DDX20: variants seen among roughly 807,000 people sequenced by gnomAD.
DDX20 encodes DEAD-box helicase 20.
DDX20 carries 61 observed loss-of-function variants against 76.4 expected under a neutral mutation model. The observed-to-expected ratio is 0.80, with a 90% CI of 0.65 to 0.99. The LOEUF (loss-of-function observed/expected upper bound fraction) is 0.99, where lower values mean the gene tolerates loss of function less well. DDX20 is among the 50% of genes least tolerant of loss of function. DDX20 has a pLI of 0.00. For missense variants in DDX20, 976 were observed against 996.8 expected, an observed-to-expected ratio of 0.98 and a Z score of 0.28; for synonymous variants, 357 against 357.4, an observed-to-expected ratio of 1.00 and a Z score of 0.01.
chr1:111,761,359 C>A, intron 7 of DDX20, 75 bp downstream of exon 7: 1 of 1,222,858 alleles, frequency 8.2e-7, no homozygotes, highest in Non-Finnish European at 1.2e-6. Flanking sequence ...GAAAAAATAC[C>A]ACTTTATGAG....
chr1:111,756,076 C>A lies in DDX20; in HGVS notation c.152C>A (p.Thr51Asn). The A allele has an allele frequency of 6.2e-7, 1 of 1,606,532 alleles. No homozygotes were observed. Among genetic ancestry groups the A allele is most frequent in the Non-Finnish European group, 8.5e-7 (1 of 1,179,332 alleles). Reference protein sequence around the residue: ...RTAQDLSSPRTRTGDVLLAEP... With the variant: ...RTAQDLSSPRNRTGDVLLAEP... ...GCTCAGGATCTCAGCAGCCCGCGGA[C>A]CCGCACGGGGGATGTGCTGTTGGCG... Residue 51 changes from threonine (T) to asparagine (N), a missense_variant, in exon 1 of 11, where the codon ACC becomes AAC. Physicochemically the swap from Thr to Asn is moderately conservative, Grantham distance 65 (BLOSUM62 0). This residue lies in a region of DDX20 where 343 missense variants were observed against 286.4 expected (regional missense o/e 1.20). Transcript: ENST00000369702.
chr1:111,767,588 TAC>T lies in DDX20; in HGVS notation c.*690_*691del, dbSNP rs1663809781. ...AGCTGTGGGTCATCAGTTGCTGTCTTACTTGTGTTGCTCAGATAGAGGAGCAG... is the reference window on the plus strand; with the variant it reads ...AGCTGTGGGTCATCAGTTGCTGTCTTTTGTGTTGCTCAGATAGAGGAGCAG... On this transcript the variant is annotated 3_prime_UTR_variant, in exon 11 of 11. Coordinates refer to ENST00000369702, the MANE Select transcript of DDX20 (RefSeq NM_007204.5). 1 of 139,508 alleles carries T rather than the reference TAC, an allele frequency of 7.2e-6. No individual in the cohort carries two copies. Among genetic ancestry groups the T allele is most frequent in the Non-Finnish European group, 1.5e-5 (1 of 65,340 alleles). The allele number at this position is 139,508 out of a possible 1,614,324, so 8.6% of individuals were successfully genotyped here.
intron 2 of DDX20, among the ~76,000 whole-genome samples, chr1:111,758,069 G>A (rs1005385122): frequency 6.6e-6 from 1 of 152,004 alleles, no homozygotes; most frequent in Non-Finnish European, 1.5e-5. Context: ...TGTCGGCCAG[G>A]CTGGTCTCAA....
rs1475149463 is a variant in DDX20, at chr1:111,762,251, T to C, written c.1022-4T>C. 1 of 1,610,404 alleles carries C rather than the reference T, an allele frequency of 6.2e-7. No individual in the cohort carries two copies. The highest frequency in any genetic ancestry group is 1.7e-5 in the Admixed American group (1 of 59,056). On this transcript the variant is annotated splice_polypyrimidine_tract_variant and splice_region_variant and intron_variant, in intron 7 of 10. Transcript: ENST00000369702. ...TATGTGACTTTCTTTTGGGGTCCTT[T>C]TAGGCAATATGAATCAGAATCAGCG...
intron 10 of DDX20, among the ~76,000 whole-genome samples, chr1:111,764,659 G>A (rs1663743034): frequency 6.6e-6 from 1 of 152,146 alleles, no homozygotes; most frequent in South Asian, 2.1e-4. Context: ...ACTTCTTGTA[G>A]GATTCAATAT....
intron 2 of DDX20, among the ~76,000 whole-genome samples, chr1:111,758,610 TGGTGAAAAC>T (rs1361557930): frequency 6.6e-6 from 1 of 152,148 alleles, no homozygotes; most frequent in Non-Finnish European, 1.5e-5. Flanking sequence ...TGTTTCCTCT[TGGTGAAAAC>T]GCTTCCCCAG....
intron 7 of DDX20, chr1:111,761,858 G>A (rs1663683432): frequency 6.3e-6 from 1 of 157,614 alleles, no homozygotes; most frequent in Non-Finnish European, 1.4e-5. Flanking sequence ...GGTATATCAC[G>A]AGATACTGGG....
At chr1:111,764,447 T>G (rs1375902976) in intron 10 of DDX20, among the ~76,000 whole-genome samples, 1 of 152,208 alleles carries the variant, frequency 6.6e-6, no homozygotes, top group African/African-American at 2.4e-5. Context: ...TTCTAGTAGA[T>G]CGGGTTAGTA....
rs1262990200 is a variant in DDX20, at chr1:111,766,276, G to A, written c.1852G>A (p.Gly618Ser). 1.9e-6 allele frequency: 3 copies of A among 1,614,148 alleles called. No homozygotes were observed. The highest frequency in any genetic ancestry group is 1.7e-6 in the Non-Finnish European group (2 of 1,180,020). The part of the protein sequence containing the change: ...KPVEIIRHYT[G>S]PGDQTVNPQN... The stretch of plus-strand genomic sequence containing the variant: ...TGTGGAAATCATCAGGCACTACACA[G>A]GCCCTGGGGATCAGACTGTGAATCC... The change falls in exon 11 of 11, where the codon GGC becomes AGC. Residue 618 changes from glycine to serine, a missense_variant. By Grantham distance (56) the Gly-to-Ser change is moderately conservative. Coordinates refer to ENST00000369702, the MANE Select transcript of DDX20 (RefSeq NM_007204.5).
At position 111,767,119 on chromosome 1, in the gene DDX20, A is replaced by G. The variant is rs1284836016; in HGVS notation, c.*220A>G. 1 of 371,014 alleles carries G rather than the reference A, an allele frequency of 2.7e-6. No individual in the cohort carries two copies. The highest frequency in any genetic ancestry group is 4.1e-5 in the East Asian group (1 of 24,634). The allele number at this position is 371,014 out of a possible 1,614,324, so 23.0% of individuals were successfully genotyped here. A position where few individuals can be genotyped will look rare whatever the true frequency, so the allele number is the denominator to read the frequency against. ...GAGTTTCTTTAAGAAACTTCATCAG[A>G]TTGTTGAAAGATAATTTTTGGGACA... On this transcript the variant is annotated 3_prime_UTR_variant, in exon 11 of 11. Coordinates refer to ENST00000369702, the MANE Select transcript of DDX20 (RefSeq NM_007204.5).
chr1:111,757,091 T>A (rs1328614361), intron 2 of DDX20, among the ~76,000 whole-genome samples: 3 of 151,776 alleles, frequency 2.0e-5, no homozygotes, highest in Non-Finnish European at 4.4e-5. Context: ...TGTCGCTTTG[T>A]CACCTAGGCT....
chr1:111,757,251 G>A (rs150753516), intron 2 of DDX20, among the ~76,000 whole-genome samples: 1 of 152,144 alleles, frequency 6.6e-6, no homozygotes, highest in East Asian at 1.9e-4. Flanking sequence ...GGGGTCTCCA[G>A]TGTTGCACAG....
At chr1:111,763,080 C>T in intron 10 of DDX20, 73 bp downstream of exon 10, 9 of 1,203,252 alleles carry the variant, frequency 7.5e-6, no homozygotes, top group East Asian at 2.5e-5. Flanking sequence ...ATAATAATAG[C>T]TAACAGAGTG....
chr1:111,765,620 A>G lies in DDX20; in HGVS notation c.1313-117A>G, dbSNP rs529929559. 53 of 854,778 alleles carry G rather than the reference A, an allele frequency of 6.2e-5. 1 individual carries two copies. The South Asian group carries it at 1.0e-3, about 16-fold the overall frequency. 52.9% of individuals were successfully genotyped at this position (854,778 alleles called of 1,614,324 possible). A position where few individuals can be genotyped will look rare whatever the true frequency, so the allele number is the denominator to read the frequency against. On this transcript the variant is annotated intron_variant, in intron 10 of 10. Coordinates refer to ENST00000369702, the MANE Select transcript of DDX20 (RefSeq NM_007204.5). ...TTATATCTATTAAACATCTTAGTAT[A>G]TTTGCATATTGTTTCTTAAATGTAT...
At position 111,767,667 on chromosome 1, in the gene DDX20, T is replaced by C. The variant is rs569517360; in HGVS notation, c.*768T>C. The C allele has an allele frequency of 1.3e-5, 2 of 152,312 alleles. No homozygotes were observed. Among genetic ancestry groups the C allele is most frequent in the Admixed American group, 1.3e-4 (2 of 15,296 alleles). 9.4% of individuals were successfully genotyped at this position (152,312 alleles called of 1,614,324 possible). A position where few individuals can be genotyped will look rare whatever the true frequency, so the allele number is the denominator to read the frequency against. On this transcript the variant is annotated 3_prime_UTR_variant, in exon 11 of 11. Transcript: ENST00000369702. ...CCTTTTATGAATCAGCTGATAGCTA[T>C]AGATTGACTTCAGGAAATTTCTCAT...
chr1:111,760,906 T>G, intron 5 of DDX20, 58 bp downstream of exon 5: 1 of 1,596,542 alleles, frequency 6.3e-7, no homozygotes, highest in South Asian at 1.1e-5. Context: ...GCTGGAGCTT[T>G]CCCTTGCCTA....
In DDX20 at chr1:111,766,000, A is replaced by C. The variant is rs757700970; in HGVS notation, c.1576A>C (p.Ile526Leu). Residue 526 changes from isoleucine to leucine, a missense_variant, in exon 11 of 11, where the codon ATC becomes CTC. Physicochemically the swap from Ile to Leu is conservative, Grantham distance 5 (BLOSUM62 2). Transcript: ENST00000369702. ...LPVKSHSECG[I>L]IEKATSPKEL... Reference sequence around the variant, plus strand: ...TGTGAAAAGCCACTCAGAATGTGGAATCATAGAAAAAGCAACGTCACCAAA... The same window carrying C: ...TGTGAAAAGCCACTCAGAATGTGGACTCATAGAAAAAGCAACGTCACCAAA... The C allele has an allele frequency of 3.9e-5, 63 of 1,614,070 alleles. No individual in the cohort carries two copies. Among genetic ancestry groups the C allele is most frequent in the Admixed American group, 3.0e-4 (18 of 60,006 alleles).
chr1:111,762,438 A>G, intron 8 of DDX20, 101 bp downstream of exon 8: 1 of 977,840 alleles, frequency 1.0e-6, no homozygotes, highest in Non-Finnish European at 1.6e-6. Flanking sequence ...CGTATCTAAC[A>G]AGAATACCAG....
intron 2 of DDX20, among the ~76,000 whole-genome samples, chr1:111,759,101 A>G (rs974167976): frequency 6.6e-6 from 1 of 152,242 alleles, no homozygotes; most frequent in Non-Finnish European, 1.5e-5. Flanking sequence ...TTTAAATTGT[A>G]TTAGGTATTA....
Sources: allele counts gnomAD v4.1 joint callset (sites outside exome capture counted in the v4.1 genomes callset), GRCh38; gene constraint gnomAD v4.1.1; regional missense constraint gnomAD v4.1.1; transcripts MANE v1.5; gene names NCBI Gene and HGNC (gene_info 2026-07-23, HGNC 2026-07-21).